THAP12: variants seen among roughly 807,000 people sequenced by gnomAD.
The protein encoded by THAP12 is 52 kDa repressor of the inhibitor of the protein kinase.
A neutral mutation model predicts 63.0 loss-of-function variants in THAP12; 20 were observed. That is an observed-to-expected ratio of 0.32 (90% CI 0.22 to 0.46). The LOEUF (loss-of-function observed/expected upper bound fraction) is 0.46. Ranked by LOEUF, THAP12 falls within the 20% of genes least tolerant of loss-of-function variation. The probability of loss-of-function intolerance (pLI) is 1.00; values close to 1 mark genes in which losing one functional copy is unlikely to be tolerated. For synonymous variants in THAP12, 264 were observed against 328.4 expected (o/e 0.80, Z 2.12); for missense variants, 568 against 908.2 (o/e 0.63, Z 4.81).
At position 76,351,508 on chromosome 11, in the gene THAP12, T is replaced by C; in HGVS notation, c.1642A>G (p.Ile548Val). 6.4e-7 allele frequency: 1 copy of C among 1,550,752 alleles called. No individual in the cohort carries two copies. Among genetic ancestry groups the C allele is most frequent in the Non-Finnish European group, 8.7e-7 (1 of 1,150,958 alleles). ...EATNLATKLD[I>V]QMKLPGKFRR... ...AATTTCCCAGGGAGTTTCATTTGAA[T>C]ATCAAGTTTGGTTGCCAAATTTGTG... The change falls in exon 5 of 5, where the codon ATT becomes GTT. Residue 548 changes from isoleucine (I) to valine (V), a missense_variant. Coordinates refer to ENST00000260045, the MANE Select transcript of THAP12 (RefSeq NM_004705.4).
chr11:76,350,792 A>G lies in THAP12; in HGVS notation c.*72T>C. 1.4e-6 allele frequency: 2 copies of G among 1,417,740 alleles called. No homozygotes were observed. Among genetic ancestry groups the G allele is most frequent in the African/African-American group, 2.9e-5 (2 of 68,494 alleles). 87.8% of individuals were successfully genotyped at this position (1,417,740 alleles called of 1,614,324 possible). A position where few individuals can be genotyped will look rare whatever the true frequency, so the allele number is the denominator to read the frequency against. ...TATAGGCAAAGATATTTAGTGATTA[A>G]GTGGTCTACATACACCTTACGGCTT... On this transcript the variant is annotated 3_prime_UTR_variant, in exon 5 of 5. Coordinates refer to ENST00000260045, the MANE Select transcript of THAP12 (RefSeq NM_004705.4).
At chr11:76,370,369 GT>G (rs1291405342) in intron 1 of THAP12, among the ~76,000 whole-genome samples, 8 of 150,950 alleles carry the variant, frequency 5.3e-5, no homozygotes, top group Admixed American at 2.0e-4. Context: ...GTTTTTTGGG[GT>G]TTTTTTTTGA....
chr11:76,351,644 C>A lies in THAP12; in HGVS notation c.1506G>T (p.Gly502=), dbSNP rs550883497. ...CCGCAAAGAAGACATCAGAGGTTTG[C>A]CCCTGGAGGTTTTTCCCAAAGGCTC... ...FTRAFGKNLQ[G]QTSDVFFAAG... Residue 502 remains glycine (G), a synonymous_variant, in exon 5 of 5, where the codon GGG becomes GGT. Coordinates refer to ENST00000260045, the MANE Select transcript of THAP12 (RefSeq NM_004705.4). 35 of 1,583,088 alleles carry A rather than the reference C, an allele frequency of 2.2e-5. No homozygotes were observed. In the East Asian group the frequency reaches 7.0e-4, roughly 32 times the overall value.
chr11:76,361,263 A>T (rs1946596125), intron 2 of THAP12, 200 bp from the exon 3 acceptor site: 1 of 467,134 alleles, frequency 2.1e-6, no homozygotes, highest in African/African-American at 2.0e-5. Flanking sequence ...ATCTATTATA[A>T]ATTAAGAAAC....
chr11:76,371,319 A>C (rs1174754690), intron 1 of THAP12, among the ~76,000 whole-genome samples: 3 of 151,554 alleles, frequency 2.0e-5, no homozygotes, highest in Admixed American at 6.6e-5. Context: ...AGCCTACTAC[A>C]CTCTTCTTGC....
Position 76,352,129 on chromosome 11 carries a change from T to C in THAP12, c.1021A>G (p.Lys341Glu). 1 of 1,611,938 alleles carries C rather than the reference T, an allele frequency of 6.2e-7. No individual in the cohort carries two copies. Among genetic ancestry groups the C allele is most frequent in the Non-Finnish European group, 8.5e-7 (1 of 1,179,806 alleles). Residue 341 changes from lysine (K) to glutamate (E), a missense_variant, in exon 5 of 5, where the codon AAA (lysine) becomes GAA (glutamate). Lys to Glu is a moderately conservative substitution (Grantham distance 56). Transcript: ENST00000260045. The stretch of plus-strand genomic sequence containing the variant: ...TCTAAAAGTCTAGAAGCAACAACTT[T>C]CATTTTGGAAGAAAATCCACTAGAG... ...IVSSGFSSKM[K>E]VVASRLLEKY...
At chr11:76,354,176 CA>C (rs1446965816) in intron 4 of THAP12, among the ~76,000 whole-genome samples, 2 of 152,204 alleles carry the variant, frequency 1.3e-5, no homozygotes, top group Non-Finnish European at 2.9e-5. Context: ...TGCCCAAGTA[CA>C]AAGGGAAATC....
In THAP12 at chr11:76,352,030, C is replaced by T; in HGVS notation, c.1120G>A (p.Val374Ile). The part of the protein sequence containing the change: ...LNMWLAKSVP[V>I]MGVSVALGTI... ...CCTAATGCAACAGATACTCCCATAA[C>T]AGGTACTGATTTTGCCAACCACATA... is the stretch of plus-strand genomic sequence containing the variant. The change falls in exon 5 of 5, where the codon GTT becomes ATT. Residue 374 changes from valine (V) to isoleucine (I), a missense_variant. By Grantham distance (29) the Val-to-Ile change is conservative (BLOSUM62 3). Transcript: ENST00000260045. 6.2e-7 allele frequency: 1 copy of T among 1,611,214 alleles called. No homozygotes were observed. Among genetic ancestry groups the T allele is most frequent in the Non-Finnish European group, 8.5e-7 (1 of 1,179,316 alleles).
chr11:76,373,559 A>AT (rs1370407583), intron 1 of THAP12, among the ~76,000 whole-genome samples: 1 of 151,700 alleles, frequency 6.6e-6, no homozygotes, highest in Non-Finnish European at 1.5e-5. Flanking sequence ...TCTAAAAAAA[A>AT]TTTTTTTCAA....
chr11:76,374,725 GTTA>G (rs1197735713), intron 1 of THAP12, among the ~76,000 whole-genome samples: 4 of 152,218 alleles, frequency 2.6e-5, no homozygotes, highest in Non-Finnish European at 2.9e-5. Context: ...TAATATCAGT[GTTA>G]TTATGAAAAT....
At chr11:76,363,854 C>T (rs1946614658) in intron 2 of THAP12, among the ~76,000 whole-genome samples, 2 of 152,298 alleles carry the variant, frequency 1.3e-5, no homozygotes, top group Admixed American at 1.3e-4. Context: ...GATCTGCCCG[C>T]CTCAGCCTCC....
intron 1 of THAP12, among the ~76,000 whole-genome samples, chr11:76,373,133 T>TAC (rs1946685481): frequency 6.6e-6 from 1 of 152,016 alleles, no homozygotes; most frequent in African/African-American, 2.4e-5. Flanking sequence ...AAGAATACAC[T>TAC]ACGTAAGTAC....
intron 1 of THAP12, among the ~76,000 whole-genome samples, chr11:76,375,819 CTTCT>C (rs1946706072): frequency 6.6e-6 from 1 of 151,004 alleles, no homozygotes; most frequent in African/African-American, 2.4e-5. Context: ...CTGGAAACTA[CTTCT>C]TTGTTATAAA....
intron 3 of THAP12, among the ~76,000 whole-genome samples, chr11:76,359,966 A>C (rs1946587676): frequency 6.6e-6 from 1 of 152,250 alleles, no homozygotes; most frequent in African/African-American, 2.4e-5. Context: ...GTTGCAAACA[A>C]ATAATACAGT....
Position 76,381,007 on chromosome 11 carries a change from C to G in THAP12, c.-171G>C, listed in dbSNP as rs1051011216. ...GCCGCGAGGGCCAGGAGGGGTGCCG[C>G]GGTCCGAGGCCGGGCTGGGGACGCG... On this transcript the variant is annotated 5_prime_UTR_variant, in exon 1 of 5. Coordinates refer to ENST00000260045, the MANE Select transcript of THAP12 (RefSeq NM_004705.4). 1.0e-4 allele frequency: 26 copies of G among 258,842 alleles called. No homozygotes were observed. Among genetic ancestry groups the G allele is most frequent in the Middle Eastern group, 1.2e-3 (1 of 830 alleles). 16.0% of individuals were successfully genotyped at this position (258,842 alleles called of 1,614,324 possible).
chr11:76,365,979 A>G lies in THAP12; in HGVS notation c.90-7T>C. The G allele has an allele frequency of 6.2e-7, 1 of 1,609,050 alleles. No homozygotes were observed. The highest frequency in any genetic ancestry group is 1.1e-5 in the South Asian group (1 of 89,926). On this transcript the variant is annotated splice_polypyrimidine_tract_variant and splice_region_variant and intron_variant, in intron 1 of 4. Coordinates refer to ENST00000260045, the MANE Select transcript of THAP12 (RefSeq NM_004705.4). The stretch of plus-strand genomic sequence containing the variant: ...CTCCACCCACTTCTGGCATCTATAA[A>G]TAAAACCAAAATACAATTATGAAAA...
chr11:76,374,354 A>G (rs1178398931), intron 1 of THAP12, among the ~76,000 whole-genome samples: 4 of 150,532 alleles, frequency 2.7e-5, no homozygotes, highest in African/African-American at 9.9e-5. Context: ...TGAGTTATAC[A>G]TACCATATAA....
At chr11:76,371,811 T>C (rs1447695666) in intron 1 of THAP12, among the ~76,000 whole-genome samples, 2 of 916 alleles carry the variant, frequency 2.2e-3, no homozygotes, top group East Asian at 0.016. Flanking sequence ...TTAACTTTTC[T>C]TTTTTTTTTT....
intron 1 of THAP12, among the ~76,000 whole-genome samples, chr11:76,366,941 C>T (rs1169808295): frequency 6.6e-6 from 1 of 152,054 alleles, no homozygotes. Context: ...ATAATAAGCA[C>T]TTATTATGAG....
Sources: allele counts gnomAD v4.1 joint callset (sites outside exome capture counted in the v4.1 genomes callset), GRCh38; gene constraint gnomAD v4.1.1; transcripts MANE v1.5; gene names NCBI Gene and HGNC (gene_info 2026-07-23, HGNC 2026-07-21).